The following SYNJ2BP variants were observed in gnomAD, a reference collection of about 807,000 sequenced individuals.
The protein encoded by SYNJ2BP is synaptojanin 2 binding protein.
A neutral mutation model predicts 16.9 loss-of-function variants in SYNJ2BP; 10 were observed. The ratio of observed to expected loss-of-function variants is 0.59; its 90% CI spans 0.36 to 1.00. SYNJ2BP has a LOEUF of 1.00. SYNJ2BP is among the 50% of genes least tolerant of loss of function. The pLI, the probability that SYNJ2BP is intolerant of heterozygous loss-of-function variation, is 0.01. For synonymous variants in SYNJ2BP, 54 were observed against 68.4 expected (o/e 0.79, Z 1.04); for missense variants, 162 against 186.7 (o/e 0.87, Z 0.77).
At chr14:70,373,188 C>T (rs546987465) in intron 3 of SYNJ2BP, 57 bp from the exon 4 acceptor site, 39 of 1,598,966 alleles carry the variant, frequency 2.4e-5, no homozygotes, top group Middle Eastern at 1.7e-4. Flanking sequence ...GCAACTGAAA[C>T]GCCCAGGTTG....
At chr14:70,374,683 A>G (rs1222305306) in intron 3 of SYNJ2BP, among the ~76,000 whole-genome samples, 1 of 152,160 alleles carries the variant, frequency 6.6e-6, no homozygotes, top group Non-Finnish European at 1.5e-5. Context: ...TCCTATGAAC[A>G]CTAAAGATTT....
intron 2 of SYNJ2BP, among the ~76,000 whole-genome samples, chr14:70,378,881 T>C (rs1406903476): frequency 6.6e-6 from 1 of 152,192 alleles, no homozygotes; most frequent in Non-Finnish European, 1.5e-5. Context: ...CCACAGGTAA[T>C]TACTCTATGT....
intron 1 of SYNJ2BP, among the ~76,000 whole-genome samples, chr14:70,395,771 C>T (rs533538585): frequency 2.6e-5 from 4 of 152,312 alleles, no homozygotes; most frequent in African/African-American, 7.2e-5. Flanking sequence ...TCTATACCCA[C>T]TAAAAAATAG....
Position 70,386,303 on chromosome 14 carries a change from C to T in SYNJ2BP, c.201+2167G>A, listed in dbSNP as rs537918974. Among the ~76,000 whole-genome samples the T allele has an allele frequency of 1.6e-4, 24 of 152,270 alleles. No homozygotes were observed. The South Asian group carries it at 1.7e-3, about 11-fold the overall frequency. ...ATCTGCTTCTAAACTTTTCACTATCCTTTTGAGAAGACAGGTATATTATCA... is the reference window on the plus strand; with the variant it reads ...ATCTGCTTCTAAACTTTTCACTATCTTTTTGAGAAGACAGGTATATTATCA... On this transcript the variant is annotated intron_variant, in intron 2 of 3. Transcript: ENST00000256366.
chr14:70,411,134 A>G (rs1422587480), intron 1 of SYNJ2BP, among the ~76,000 whole-genome samples: 3 of 152,228 alleles, frequency 2.0e-5, no homozygotes, highest in African/African-American at 7.2e-5. Context: ...ATAATGATTC[A>G]GGGCTTGGAA....
chr14:70,385,395 C>T (rs538790918), intron 2 of SYNJ2BP, among the ~76,000 whole-genome samples: 2 of 152,070 alleles, frequency 1.3e-5, no homozygotes, highest in Non-Finnish European at 2.9e-5. Context: ...CTCACTCCGT[C>T]GCCCAGGCTG....
At chr14:70,379,066 T>C (rs1483697778) in intron 2 of SYNJ2BP, among the ~76,000 whole-genome samples, 1 of 152,132 alleles carries the variant, frequency 6.6e-6, no homozygotes, top group Non-Finnish European at 1.5e-5. Flanking sequence ...GAAAGGAACA[T>C]ACCTGTCTCC....
chr14:70,380,008 G>C (rs542345224), intron 2 of SYNJ2BP, among the ~76,000 whole-genome samples: 3 of 152,306 alleles, frequency 2.0e-5, no homozygotes, highest in Non-Finnish European at 2.9e-5. Flanking sequence ...AATAATTGCA[G>C]AGAATTATTG....
intron 1 of SYNJ2BP, among the ~76,000 whole-genome samples, chr14:70,401,208 T>C (rs1214235855): frequency 1.3e-5 from 2 of 152,188 alleles, no homozygotes; most frequent in African/African-American, 4.8e-5. Flanking sequence ...CCGTACAAAC[T>C]GAATGAGAGA....
rs556423695 is a variant in SYNJ2BP at position 70,393,809 on chromosome 14, G to C, written c.65-5203C>G. 3.3e-5 allele frequency among the ~76,000 whole-genome samples: 5 copies of C among 152,012 alleles called. No individual in the cohort carries two copies. In the East Asian group the frequency reaches 5.8e-4, roughly 18 times the overall value. On this transcript the variant is annotated intron_variant, in intron 1 of 3. Coordinates refer to ENST00000256366, the MANE Select transcript of SYNJ2BP (RefSeq NM_018373.3). ...CATACACCAGGGCCTGTCAGGGGGT[G>C]GGGGGTAAGGGGAGGGAGAGCATTA...
At chr14:70,396,165 C>G (rs1888088665) in intron 1 of SYNJ2BP, among the ~76,000 whole-genome samples, 1 of 152,160 alleles carries the variant, frequency 6.6e-6, no homozygotes, top group South Asian at 2.1e-4. Flanking sequence ...GTCGCCCAGG[C>G]TGACCAGCAG....
intron 1 of SYNJ2BP, among the ~76,000 whole-genome samples, chr14:70,392,647 T>C (rs2140840945): frequency 6.6e-6 from 1 of 152,232 alleles, no homozygotes; most frequent in Non-Finnish European, 1.5e-5. Context: ...CAAAATCTCC[T>C]AAAAAATGGG....
intron 1 of SYNJ2BP, among the ~76,000 whole-genome samples, chr14:70,394,127 T>TA (rs1382624772): frequency 3.3e-5 from 5 of 150,026 alleles, no homozygotes; most frequent in African/African-American, 4.9e-5. Context: ...TATAAAAATG[T>TA]AAAAAAAAAG....
chr14:70,404,536 TAAC>T (rs1471883395), intron 1 of SYNJ2BP, among the ~76,000 whole-genome samples: 2 of 152,208 alleles, frequency 1.3e-5, no homozygotes, highest in Non-Finnish European at 2.9e-5. Flanking sequence ...TTAGATCTGT[TAAC>T]AAACAGATTG....
rs1887450651 is a variant in SYNJ2BP, at chr14:70,368,728, C to A, written c.*4263G>T. ...GTTGTTGTTGTTGTTTTGCCTGAAG[C>A]AATGTATGTAATTTAATAATTTAAA... On this transcript the variant is annotated 3_prime_UTR_variant, in exon 4 of 4. Coordinates refer to ENST00000256366, the MANE Select transcript of SYNJ2BP (RefSeq NM_018373.3). The A allele has an allele frequency of 6.6e-6, 1 of 152,086 alleles. No homozygotes were observed. The highest frequency in any genetic ancestry group is 1.5e-5 in the Non-Finnish European group (1 of 68,022). 9.4% of individuals were successfully genotyped at this position (152,086 alleles called of 1,614,324 possible).
chr14:70,378,278 C>T (rs1469068215), intron 2 of SYNJ2BP, among the ~76,000 whole-genome samples: 1 of 143,752 alleles, frequency 7.0e-6, no homozygotes, highest in African/African-American at 2.6e-5. Flanking sequence ...CCTACTTGTA[C>T]TTCTGGATTT....
intron 1 of SYNJ2BP, among the ~76,000 whole-genome samples, chr14:70,394,361 A>G (rs1367731791): frequency 6.6e-6 from 1 of 152,048 alleles, no homozygotes; most frequent in Non-Finnish European, 1.5e-5. Context: ...ATAACAGTGT[A>G]CTTTGGAGCT....
At chr14:70,399,794 T>C (rs1412939172) in intron 1 of SYNJ2BP, among the ~76,000 whole-genome samples, 1 of 152,128 alleles carries the variant, frequency 6.6e-6, no homozygotes, top group African/African-American at 2.4e-5. Context: ...TATCTAAGGG[T>C]CAGCTTCATG....
At chr14:70,374,095 G>A (rs150686310) in intron 3 of SYNJ2BP, among the ~76,000 whole-genome samples, 42 of 152,302 alleles carry the variant, frequency 2.8e-4, no homozygotes, top group Non-Finnish European at 5.3e-4. Flanking sequence ...TGAACATAAG[G>A]GTCTTTTTTA....
Sources: gnomAD v4.1 joint callset for allele counts (sites outside exome capture counted in the v4.1 genomes callset) on GRCh38, gnomAD v4.1.1 for gene constraint, MANE v1.5 for transcripts, NCBI Gene and HGNC (gene_info 2026-07-23, HGNC 2026-07-21) for gene names.